SAMD4A: variants seen among roughly 807,000 people sequenced by gnomAD.
SAMD4A encodes the protein sterile alpha motif domain containing 4A, also known as protein Smaug homolog 1.
A neutral mutation model predicts 81.3 loss-of-function variants in SAMD4A; 33 were observed. The ratio of observed to expected loss-of-function variants is 0.41; its 90% CI spans 0.31 to 0.54. The LOEUF (loss-of-function observed/expected upper bound fraction) is 0.54, where lower values mean the gene tolerates loss of function less well. Ranked by LOEUF, SAMD4A falls within the 20% of genes least tolerant of loss-of-function variation. SAMD4A has a pLI of 0.37. For synonymous variants in SAMD4A, 389 were observed against 382.1 expected, an observed-to-expected ratio of 1.02 and a Z score of -0.21; for missense variants, 854 against 951.1, an observed-to-expected ratio of 0.90 and a Z score of 1.34.
chr14:54,775,413 G>A (rs1285316545), intron 10 of SAMD4A, among the ~76,000 whole-genome samples: 1 of 152,180 alleles, frequency 6.6e-6, no homozygotes, highest in Non-Finnish European at 1.5e-5. Context: ...TTTCTTCTTT[G>A]CCCCATGCTT....
At chr14:54,770,041 G>A in intron 8 of SAMD4A, 63 bp from the exon 9 acceptor site, 2 of 1,014,314 alleles carry the variant, frequency 2.0e-6, no homozygotes, top group Non-Finnish European at 3.1e-6. Context: ...CTTATTAATT[G>A]CATGTTTCTC....
At chr14:54,577,387 A>G (rs935779274) in intron 2 of SAMD4A, among the ~76,000 whole-genome samples, 1 of 152,220 alleles carries the variant, frequency 6.6e-6, no homozygotes, top group African/African-American at 2.4e-5. Flanking sequence ...TATCCAAGCT[A>G]AGAAGGTGTT....
intron 2 of SAMD4A, among the ~76,000 whole-genome samples, chr14:54,594,557 C>T (rs1280752858): frequency 6.6e-6 from 1 of 152,140 alleles, no homozygotes; most frequent in African/African-American, 2.4e-5. Flanking sequence ...CAGGACAGAA[C>T]TTGTTGGATA....
At position 54,612,841 on chromosome 14, in the gene SAMD4A, G is replaced by A. The variant is rs181836518; in HGVS notation, c.196+44729G>A. Among the ~76,000 whole-genome samples, 454 of 152,192 alleles carry A rather than the reference G, an allele frequency of 3.0e-3. 1 individual carries two copies. The highest frequency in any genetic ancestry group is 5.4e-3 in the Non-Finnish European group (364 of 67,996). On this transcript the variant is annotated intron_variant, in intron 2 of 12. Transcript: ENST00000554335. ...TCCTCAGAGAAAGTGAAAGCCGGCC[G>A]GGCATGGTGGCTCACGCCTGTAATC...
chr14:54,745,888 C>G (rs949069972), intron 4 of SAMD4A, among the ~76,000 whole-genome samples: 23 of 152,196 alleles, frequency 1.5e-4, no homozygotes, highest in African/African-American at 5.3e-4. Context: ...CCTGCATTTT[C>G]CAACCATAGC....
At chr14:54,662,528 G>A (rs918063063) in intron 2 of SAMD4A, among the ~76,000 whole-genome samples, 4 of 151,408 alleles carry the variant, frequency 2.6e-5, no homozygotes, top group Non-Finnish European at 4.4e-5. Context: ...TCATGCCTCA[G>A]CCTCCCAAGT....
chr14:54,732,844 G>GGT (rs2037592160), intron 3 of SAMD4A, among the ~76,000 whole-genome samples: 1 of 151,962 alleles, frequency 6.6e-6, no homozygotes, highest in South Asian at 2.1e-4. Flanking sequence ...GCAGAAAAAA[G>GGT]GTAGTTATAG....
At chr14:54,743,687 C>T (rs2037898377) in intron 4 of SAMD4A, among the ~76,000 whole-genome samples, 1 of 152,148 alleles carries the variant, frequency 6.6e-6, no homozygotes, top group African/African-American at 2.4e-5. Flanking sequence ...CAAAATAGGC[C>T]ACCTCTCACC....
chr14:54,593,511 CT>C (rs1442299803), intron 2 of SAMD4A, among the ~76,000 whole-genome samples: 1 of 152,140 alleles, frequency 6.6e-6, no homozygotes, highest in African/African-American at 2.4e-5. Context: ...ATGATATTTA[CT>C]TTCTAGGTGA....
chr14:54,777,490 G>A (rs1307603662), intron 11 of SAMD4A, among the ~76,000 whole-genome samples: 3 of 152,186 alleles, frequency 2.0e-5, no homozygotes, highest in Non-Finnish European at 2.9e-5. Context: ...AGCCGTGGCT[G>A]GGCCAAAGGG....
At chr14:54,613,963 CG>C (rs1478891640) in intron 2 of SAMD4A, among the ~76,000 whole-genome samples, 1 of 152,226 alleles carries the variant, frequency 6.6e-6, no homozygotes, top group African/African-American at 2.4e-5. Context: ...CTTTAAGAAA[CG>C]ACCAGTTGTC....
chr14:54,601,430 G>A (rs1555334965), intron 2 of SAMD4A, among the ~76,000 whole-genome samples: 1 of 152,034 alleles, frequency 6.6e-6, no homozygotes, highest in Non-Finnish European at 1.5e-5. Context: ...TCACATTATT[G>A]GTTCATCTTT....
At chr14:54,674,020 G>A (rs2035939813) in intron 2 of SAMD4A, among the ~76,000 whole-genome samples, 1 of 152,142 alleles carries the variant, frequency 6.6e-6, no homozygotes, top group Admixed American at 6.5e-5. Flanking sequence ...TTAAGTCGGG[G>A]GAGTGATGAA....
intron 2 of SAMD4A, among the ~76,000 whole-genome samples, chr14:54,684,825 G>A (rs2036219332): frequency 6.6e-6 from 1 of 152,252 alleles, no homozygotes; most frequent in Admixed American, 6.5e-5. Context: ...CAGGCAGCAG[G>A]CCTGCTCTGT....
chr14:54,692,017 T>A (rs1248012494), intron 2 of SAMD4A, among the ~76,000 whole-genome samples: 2 of 152,228 alleles, frequency 1.3e-5, no homozygotes, highest in African/African-American at 4.8e-5. Context: ...TTTGGGAATA[T>A]CTACATGCTG....
intron 2 of SAMD4A, among the ~76,000 whole-genome samples, chr14:54,602,997 G>T (rs1299396608): frequency 2.6e-5 from 4 of 152,126 alleles, no homozygotes; most frequent in Non-Finnish European, 5.9e-5. Context: ...AGAACCCCCT[G>T]GTGATTTGTT....
intron 2 of SAMD4A, among the ~76,000 whole-genome samples, chr14:54,614,468 T>A (rs2034443117): frequency 6.6e-6 from 1 of 152,082 alleles, no homozygotes; most frequent in Non-Finnish European, 1.5e-5. Flanking sequence ...ACTGGAAAAA[T>A]TCTGTTTGTT....
At chr14:54,776,386 C>T (rs1257085414) in intron 10 of SAMD4A, 28 bp from the exon 11 acceptor site, 4 of 1,581,214 alleles carry the variant, frequency 2.5e-6, no homozygotes, top group Admixed American at 1.8e-5. Flanking sequence ...GCTGAACTAA[C>T]AAGTTCCCCT....
intron 2 of SAMD4A, among the ~76,000 whole-genome samples, chr14:54,679,290 A>G (rs960207710): frequency 2.0e-5 from 3 of 152,272 alleles, no homozygotes; most frequent in African/African-American, 7.2e-5. Flanking sequence ...AGTATCCCTT[A>G]TCACTTAGCC....
Sources: allele counts gnomAD v4.1 joint callset (sites outside exome capture counted in the v4.1 genomes callset), GRCh38; gene constraint gnomAD v4.1.1; transcripts MANE v1.5; gene names NCBI Gene and HGNC (gene_info 2026-07-23, HGNC 2026-07-21).